Variants in AOPEP observed in about 807,000 individuals in gnomAD.
The protein encoded by AOPEP is aminopeptidase O (putative).
Under a neutral mutation model 98.1 loss-of-function variants are expected in AOPEP, and 77 were observed. That is an observed-to-expected ratio of 0.78 (90% CI 0.65 to 0.95). AOPEP has a LOEUF of 0.95. AOPEP is among the 40% of genes least tolerant of loss of function. The pLI, the probability that AOPEP is intolerant of heterozygous loss-of-function variation, is 0.00. For synonymous variants in AOPEP, 346 were observed against 365.3 expected (o/e 0.95, Z 0.60); for missense variants, 1,024 against 1,024.7 (o/e 1.00, Z 0.01).
At chr9:94,967,388 A>G (rs2059271020) in intron 9 of AOPEP, among the ~76,000 whole-genome samples, 1 of 152,192 alleles carries the variant, frequency 6.6e-6, no homozygotes. Context: ...CTCTAGGAGT[A>G]CAGGAATCTC....
intron 5 of AOPEP, among the ~76,000 whole-genome samples, chr9:94,804,856 G>A (rs1848908282): frequency 1.3e-5 from 2 of 152,286 alleles, no homozygotes; most frequent in South Asian, 2.1e-4. Flanking sequence ...CAATAGCATC[G>A]TTAGGGTGAG....
rs1027115168 is a variant in AOPEP, at chr9:94,800,840, G to A, written c.1202G>A (p.Arg401Gln). The A allele has an allele frequency of 6.2e-6, 10 of 1,613,976 alleles. No homozygotes were observed. The highest frequency in any genetic ancestry group is 4.0e-5 in the African/African-American group (3 of 74,864). ...SATTQEIIPHRVFAPVCLTGA... is the reference protein window; with the variant it reads ...SATTQEIIPHQVFAPVCLTGA... ...ACCACCCAGGAGATCATTCCTCATC[G>A]GGTCTTTGCCCCTGTGTGCCTCACG... The change falls in exon 5 of 17, where the codon CGG becomes CAG. Residue 401 changes from arginine (R) to glutamine (Q), a missense_variant. Arg to Gln is a conservative substitution (Grantham distance 43). This residue lies in a region of AOPEP where 566 missense variants were observed against 551.7 expected (regional missense o/e 1.03). Transcript: ENST00000375315.
the AOPEP span, among the ~76,000 whole-genome samples, chr9:95,129,782 C>T: frequency 6.6e-6 from 1 of 152,136 alleles, no homozygotes; most frequent in Non-Finnish European, 1.5e-5. Context: ...CCTTATCTCC[C>T]CCCTCAGGCT....
At chr9:95,141,013 A>G in the AOPEP span, among the ~76,000 whole-genome samples, 1 of 152,056 alleles carries the variant, frequency 6.6e-6, no homozygotes, top group Non-Finnish European at 1.5e-5. Context: ...TATTAAGGTT[A>G]AAAAAACAGG....
chr9:95,075,171 C>G (rs1421572436), intron 14 of AOPEP, among the ~76,000 whole-genome samples: 1 of 152,154 alleles, frequency 6.6e-6, no homozygotes, highest in Non-Finnish European at 1.5e-5. Context: ...CATGCTGACT[C>G]TAGGCTCTCA....
chr9:94,908,349 T>C (rs959059726), intron 5 of AOPEP, among the ~76,000 whole-genome samples: 2 of 152,104 alleles, frequency 1.3e-5, no homozygotes, highest in Non-Finnish European at 2.9e-5. Flanking sequence ...ACAGAGTAAA[T>C]CCTCCATCCT....
intron 3 of AOPEP, among the ~76,000 whole-genome samples, chr9:94,775,968 G>A (rs1842004604): frequency 6.6e-6 from 1 of 151,660 alleles, no homozygotes; most frequent in African/African-American, 2.4e-5. Context: ...GACAGAGTGA[G>A]ACTCCATCTC....
downstream of AOPEP, among the ~76,000 whole-genome samples, chr9:95,087,594 A>G (rs1207833986): frequency 6.8e-6 from 1 of 147,810 alleles, no homozygotes. Flanking sequence ...AGGTAGTGTT[A>G]GTTCTCTTAG....
intron 13 of AOPEP, among the ~76,000 whole-genome samples, chr9:95,024,406 G>C (rs1439368396): frequency 1.3e-5 from 2 of 152,142 alleles, no homozygotes; most frequent in African/African-American, 4.8e-5. Flanking sequence ...ATGAGGCCTC[G>C]GGAGCATTCT....
intron 14 of AOPEP, among the ~76,000 whole-genome samples, chr9:95,070,203 AG>A (rs2068346044): frequency 6.6e-6 from 1 of 152,226 alleles, no homozygotes; most frequent in Non-Finnish European, 1.5e-5. Flanking sequence ...TACTCTGCAG[AG>A]GCCCCCCTTA....
At chr9:94,895,246 AAAAAAT>A (rs2049369822) in intron 5 of AOPEP, among the ~76,000 whole-genome samples, 2 of 150,574 alleles carry the variant, frequency 1.3e-5, no homozygotes, top group African/African-American at 4.9e-5. Context: ...AAATAAAAAA[AAAAAAT>A]AGCTGGGCAT....
At chr9:94,756,741 G>T (rs1222327224) in intron 1 of AOPEP, among the ~76,000 whole-genome samples, 1 of 152,082 alleles carries the variant, frequency 6.6e-6, no homozygotes, top group Non-Finnish European at 1.5e-5. Flanking sequence ...GAAACTGGAT[G>T]TGCTCTGCTC....
chr9:94,747,109 C>G (rs1232802385), intron 1 of AOPEP, among the ~76,000 whole-genome samples: 1 of 150,828 alleles, frequency 6.6e-6, no homozygotes, highest in Non-Finnish European at 1.5e-5. Flanking sequence ...AAATTATATG[C>G]AGTCACTCTT....
chr9:95,031,955 T>C (rs147869966), intron 13 of AOPEP, among the ~76,000 whole-genome samples: 404 of 152,328 alleles, frequency 2.7e-3, no homozygotes, highest in African/African-American at 9.0e-3. Context: ...AAGACAGCTT[T>C]TTTCAGTGCT....
the AOPEP span, among the ~76,000 whole-genome samples, chr9:95,133,162 C>T: frequency 6.6e-6 from 1 of 152,238 alleles, no homozygotes; most frequent in Non-Finnish European, 1.5e-5. Flanking sequence ...TCAGGTTACC[C>T]CTGCAATCAC....
intron 7 of AOPEP, chr9:94,933,295 T>C (rs1201882920): frequency 1.0e-6 from 1 of 985,384 alleles, no homozygotes; most frequent in African/African-American, 1.7e-5. Context: ...CCTAAGTGCT[T>C]TCAGTTAGCA....
At chr9:94,912,377 T>C (rs1209571112) in intron 5 of AOPEP, among the ~76,000 whole-genome samples, 1 of 152,110 alleles carries the variant, frequency 6.6e-6, no homozygotes, top group Non-Finnish European at 1.5e-5. Context: ...TACTCTGACT[T>C]GCCCAGCCCC....
chr9:95,136,245 T>G, the AOPEP span, among the ~76,000 whole-genome samples: 2 of 151,878 alleles, frequency 1.3e-5, no homozygotes, highest in Non-Finnish European at 2.9e-5. Flanking sequence ...ATTTTTTTTT[T>G]AAATTAGCCT....
intron 5 of AOPEP, among the ~76,000 whole-genome samples, chr9:94,913,844 C>T (rs925172408): frequency 5.3e-5 from 8 of 152,196 alleles, no homozygotes; most frequent in African/African-American, 1.9e-4. Context: ...ACAAGCTCTG[C>T]CTTCATTATA....
Sources: allele counts gnomAD v4.1 joint callset (sites outside exome capture counted in the v4.1 genomes callset), GRCh38; gene constraint gnomAD v4.1.1; regional missense constraint gnomAD v4.1.1; transcripts MANE v1.5; gene names NCBI Gene and HGNC (gene_info 2026-07-23, HGNC 2026-07-21).